The following HS6ST3 variants were observed in gnomAD, a reference collection of about 807,000 sequenced individuals.
The protein encoded by HS6ST3 is heparan sulfate 6-O-sulfotransferase 3.
A neutral mutation model predicts 36.7 loss-of-function variants in HS6ST3; 12 were observed. The ratio of observed to expected loss-of-function variants is 0.33; its 90% CI spans 0.21 to 0.53. The LOEUF is 0.53. Among genes scored for constraint, HS6ST3 ranks in the 20% least tolerant of loss-of-function variants. The pLI, the probability that HS6ST3 is intolerant of heterozygous loss-of-function variation, is 0.95. For missense variants in HS6ST3, 584 were observed against 640.9 expected, an observed-to-expected ratio of 0.91 and a Z score of 0.96; for synonymous variants, 240 against 257.5, an observed-to-expected ratio of 0.93 and a Z score of 0.65.
intron 1 of HS6ST3, among the ~76,000 whole-genome samples, chr13:96,185,873 T>G (rs554056216): frequency 2.0e-5 from 3 of 152,288 alleles, no homozygotes; most frequent in Non-Finnish European, 4.4e-5. Flanking sequence ...CCATAGGATA[T>G]TTGCAATGGG....
chr13:96,551,025 C>G (rs2056217517), intron 1 of HS6ST3, among the ~76,000 whole-genome samples: 1 of 152,164 alleles, frequency 6.6e-6, no homozygotes, highest in Non-Finnish European at 1.5e-5. Flanking sequence ...ACCTTTAACT[C>G]TGTCCCAATC....
At chr13:96,271,349 T>C in intron 1 of HS6ST3, among the ~76,000 whole-genome samples, 1 of 151,952 alleles carries the variant, frequency 6.6e-6, no homozygotes, top group East Asian at 1.9e-4. Flanking sequence ...AAAATTTATA[T>C]AATTTAATTT....
chr13:96,821,001 A>G (rs1223865740), intron 1 of HS6ST3, among the ~76,000 whole-genome samples: 1 of 152,228 alleles, frequency 6.6e-6, no homozygotes, highest in Admixed American at 6.5e-5. Context: ...TTCTGACATT[A>G]CTACAGCTTT....
chr13:96,157,015 T>C (rs1374073370), intron 1 of HS6ST3, among the ~76,000 whole-genome samples: 1 of 152,200 alleles, frequency 6.6e-6, no homozygotes, highest in East Asian at 1.9e-4. Flanking sequence ...CTAGCATTTG[T>C]TGTCTGGGTA....
chr13:96,152,122 T>C (rs1475749436), intron 1 of HS6ST3, among the ~76,000 whole-genome samples: 1 of 152,196 alleles, frequency 6.6e-6, no homozygotes, highest in Non-Finnish European at 1.5e-5. Flanking sequence ...TGCTCTTGAA[T>C]ACTTTCTTTT....
At chr13:96,454,877 A>T (rs1275341558) in intron 1 of HS6ST3, among the ~76,000 whole-genome samples, 1 of 149,468 alleles carries the variant, frequency 6.7e-6, no homozygotes, top group East Asian at 2.0e-4. Context: ...TGAACTCTAA[A>T]AAAAAAAAAA....
At chr13:96,144,049 G>A (rs1261839275) in intron 1 of HS6ST3, among the ~76,000 whole-genome samples, 2 of 152,160 alleles carry the variant, frequency 1.3e-5, no homozygotes, top group Non-Finnish European at 1.5e-5. Flanking sequence ...ACAGTGAAAA[G>A]CTTTGAAATC....
At position 96,184,878 on chromosome 13, in the gene HS6ST3, T is replaced by C. The variant is rs575668785; in HGVS notation, c.707+93309T>C. On this transcript the variant is annotated intron_variant, in intron 1 of 1. Coordinates refer to ENST00000376705, the MANE Select transcript of HS6ST3 (RefSeq NM_153456.4). ...AATACAAATTCCACGAGGGTAAGGA[T>C]CTCATCATCTTCCCTGCTATCCCGC... Among the ~76,000 whole-genome samples, 32 of 152,196 alleles carry C rather than the reference T, an allele frequency of 2.1e-4. No homozygotes were observed. The South Asian group carries it at 6.2e-3, about 30-fold the overall frequency.
At chr13:96,607,778 A>T (rs1036365300) in intron 1 of HS6ST3, among the ~76,000 whole-genome samples, 2 of 152,212 alleles carry the variant, frequency 1.3e-5, no homozygotes, top group Non-Finnish European at 2.9e-5. Context: ...CTTGAGAATC[A>T]GATTTTTGGT....
In HS6ST3 at chr13:96,289,091, C is replaced by T. The variant is rs371581494; in HGVS notation, c.707+197522C>T. 1.1e-4 allele frequency among the ~76,000 whole-genome samples: 17 copies of T among 151,766 alleles called. No homozygotes were observed. In the South Asian group the frequency reaches 2.1e-3, roughly 19 times the overall value. On this transcript the variant is annotated intron_variant, in intron 1 of 1. Coordinates refer to ENST00000376705, the MANE Select transcript of HS6ST3 (RefSeq NM_153456.4). ...TTAAAATACTTAGGTTTAATTTTAA[C>T]AAGAAAGCCACAGAATTTATAGGAA... is the stretch of plus-strand genomic sequence containing the variant.
At chr13:96,408,989 C>G (rs1464422957) in intron 1 of HS6ST3, among the ~76,000 whole-genome samples, 4 of 151,906 alleles carry the variant, frequency 2.6e-5, no homozygotes, top group Non-Finnish European at 5.9e-5. Flanking sequence ...TTCTGGGAGA[C>G]CAGAGGAATG....
intron 1 of HS6ST3, among the ~76,000 whole-genome samples, chr13:96,689,332 T>G (rs1197957246): frequency 2.6e-5 from 4 of 152,080 alleles, no homozygotes; most frequent in Non-Finnish European, 4.4e-5. Flanking sequence ...TCCAAAATGT[T>G]GGGGACAATA....
At chr13:96,666,784 G>GA (rs1403269692) in intron 1 of HS6ST3, among the ~76,000 whole-genome samples, 1 of 152,014 alleles carries the variant, frequency 6.6e-6, no homozygotes, top group Non-Finnish European at 1.5e-5. Context: ...ATGCCTTCAT[G>GA]AAAATAACTA....
intron 1 of HS6ST3, among the ~76,000 whole-genome samples, chr13:96,340,174 A>G (rs2139425567): frequency 6.6e-6 from 1 of 152,330 alleles, no homozygotes; most frequent in African/African-American, 2.4e-5. Context: ...AGGAAACTCT[A>G]TCTGGACCTA....
At chr13:96,627,235 T>A (rs1386379036) in intron 1 of HS6ST3, among the ~76,000 whole-genome samples, 2 of 152,096 alleles carry the variant, frequency 1.3e-5, no homozygotes, top group Non-Finnish European at 2.9e-5. Flanking sequence ...TTTGATTTAA[T>A]CATAAATGTG....
intron 1 of HS6ST3, among the ~76,000 whole-genome samples, chr13:96,781,756 C>T (rs1293997915): frequency 1.3e-5 from 2 of 152,146 alleles, no homozygotes; most frequent in Admixed American, 1.3e-4. Context: ...TTAAGGAAAA[C>T]GTGAACCTTT....
chr13:96,314,666 G>T (rs2054959357), intron 1 of HS6ST3, among the ~76,000 whole-genome samples: 1 of 152,116 alleles, frequency 6.6e-6, no homozygotes, highest in African/African-American at 2.4e-5. Context: ...ACATATTGTG[G>T]AATGAAAGAA....
At chr13:96,140,519 A>C (rs923698597) in intron 1 of HS6ST3, among the ~76,000 whole-genome samples, 1 of 152,194 alleles carries the variant, frequency 6.6e-6, no homozygotes, top group African/African-American at 2.4e-5. Context: ...GTGATGCTGG[A>C]AGTGGTCCCA....
At chr13:96,761,223 A>AT (rs1254814763) in intron 1 of HS6ST3, among the ~76,000 whole-genome samples, 5 of 151,590 alleles carry the variant, frequency 3.3e-5, no homozygotes, top group East Asian at 1.9e-4. Flanking sequence ...AGTGCTGGCA[A>AT]TTTTTTTATC....
Sources: allele counts gnomAD v4.1 joint callset (sites outside exome capture counted in the v4.1 genomes callset), GRCh38; gene constraint gnomAD v4.1.1; transcripts MANE v1.5; gene names NCBI Gene and HGNC (gene_info 2026-07-23, HGNC 2026-07-21).